The following KHDRBS3 variants were observed in gnomAD, a reference collection of about 807,000 sequenced individuals.
The protein encoded by KHDRBS3 is KH domain-containing, RNA-binding, signal transduction-associated protein 3.
Under a neutral mutation model 45.6 loss-of-function variants are expected in KHDRBS3, and 23 were observed. The observed-to-expected ratio is 0.50, with a 90% CI of 0.36 to 0.72. The LOEUF is 0.72. Among genes scored for constraint, KHDRBS3 ranks in the 30% least tolerant of loss-of-function variants. KHDRBS3 has a pLI of 0.00. For missense variants in KHDRBS3, 352 were observed against 424.8 expected, an observed-to-expected ratio of 0.83 and a Z score of 1.51; for synonymous variants, 162 against 156.5, an observed-to-expected ratio of 1.04 and a Z score of -0.26.
intron 7 of KHDRBS3, among the ~76,000 whole-genome samples, chr8:135,607,654 T>C (rs1465635900): frequency 1.3e-5 from 2 of 152,238 alleles, no homozygotes; most frequent in Non-Finnish European, 2.9e-5. Context: ...GTTGAGAATG[T>C]TTTCCTAAAT....
intron 2 of KHDRBS3, among the ~76,000 whole-genome samples, chr8:135,525,460 G>A (rs1367653172): frequency 2.6e-5 from 4 of 152,228 alleles, no homozygotes; most frequent in Non-Finnish European, 5.9e-5. Context: ...TTCACCCCAG[G>A]GTATTTCCTT....
chr8:135,581,686 C>T (rs1828216287), intron 5 of KHDRBS3, among the ~76,000 whole-genome samples, 192 bp from the exon 6 acceptor site: 1 of 152,222 alleles, frequency 6.6e-6, no homozygotes, highest in African/African-American at 2.4e-5. Flanking sequence ...GCTAGACGAA[C>T]TGCCTAAATG....
intron 1 of KHDRBS3, among the ~76,000 whole-genome samples, chr8:135,508,692 A>G (rs1824128517): frequency 6.6e-6 from 1 of 152,194 alleles, no homozygotes; most frequent in African/African-American, 2.4e-5. Context: ...ACTAACTTGA[A>G]TTAGTCCGGT....
chr8:135,501,592 A>G lies in KHDRBS3; in HGVS notation c.89-19645A>G, dbSNP rs928538055. On this transcript the variant is annotated intron_variant, in intron 1 of 8. Transcript: ENST00000355849. The stretch of plus-strand genomic sequence containing the variant: ...ATTAGAGGAAAAGAAACATAAAGTC[A>G]TACTATATTTTTTACCTATTGTTTA... 7.2e-5 allele frequency among the ~76,000 whole-genome samples: 11 copies of G among 152,212 alleles called. 1 individual carries two copies. Among genetic ancestry groups the G allele is most frequent in the Admixed American group, 7.2e-4 (11 of 15,276 alleles).
At chr8:135,521,207 C>T (rs887196287) in intron 1 of KHDRBS3, 30 bp from the exon 2 acceptor site, 2 of 1,371,190 alleles carry the variant, frequency 1.5e-6, no homozygotes, top group African/African-American at 1.4e-5. Flanking sequence ...CTGAGTCATA[C>T]ACTTCATGGT....
At chr8:135,643,150 C>T (rs1304033574) in intron 7 of KHDRBS3, among the ~76,000 whole-genome samples, 1 of 152,110 alleles carries the variant, frequency 6.6e-6, no homozygotes, top group Non-Finnish European at 1.5e-5. Flanking sequence ...TTGTTGACAC[C>T]TAGATTTTCC....
intron 1 of KHDRBS3, among the ~76,000 whole-genome samples, chr8:135,514,431 G>A (rs1824461616): frequency 6.6e-6 from 1 of 152,164 alleles, no homozygotes; most frequent in Admixed American, 6.5e-5. Context: ...TGAGCCTTGA[G>A]GGCATTATGC....
At chr8:135,625,589 C>G in intron 7 of KHDRBS3, 1 of 954,482 alleles carries the variant, frequency 1.0e-6, no homozygotes, top group Non-Finnish European at 1.7e-6. Context: ...AGTTTCTTGA[C>G]CTTGTCTGGC....
chr8:135,547,482 C>G (rs1041286980), intron 3 of KHDRBS3, among the ~76,000 whole-genome samples: 1 of 152,154 alleles, frequency 6.6e-6, no homozygotes, highest in African/African-American at 2.4e-5. Context: ...TCTGTCTAAA[C>G]TCACATGGCT....
intron 7 of KHDRBS3, among the ~76,000 whole-genome samples, chr8:135,617,936 A>G (rs766997463): frequency 3.3e-5 from 5 of 152,190 alleles, no homozygotes; most frequent in Non-Finnish European, 5.9e-5. Context: ...AGACTTGAGG[A>G]CAGAGCTCTA....
chr8:135,496,337 A>G (rs1299110817), intron 1 of KHDRBS3, among the ~76,000 whole-genome samples: 2 of 151,738 alleles, frequency 1.3e-5, no homozygotes, highest in African/African-American at 4.8e-5. Flanking sequence ...GGTTCAAGCA[A>G]TTCTTCTGCC....
intron 5 of KHDRBS3, among the ~76,000 whole-genome samples, chr8:135,570,758 A>G (rs753520902): frequency 1.3e-5 from 2 of 152,030 alleles, no homozygotes; most frequent in Non-Finnish European, 2.9e-5. Context: ...AGTACCCCAC[A>G]TCTCAGGCAG....
At chr8:135,583,613 C>T (rs1342420532) in intron 6 of KHDRBS3, among the ~76,000 whole-genome samples, 1 of 152,140 alleles carries the variant, frequency 6.6e-6, no homozygotes, top group Non-Finnish European at 1.5e-5. Context: ...GGATCCTATA[C>T]CCCATTTTAC....
chr8:135,504,640 A>G (rs1372278334), intron 1 of KHDRBS3, among the ~76,000 whole-genome samples: 1 of 152,236 alleles, frequency 6.6e-6, no homozygotes, highest in East Asian at 1.9e-4. Context: ...ATGGTTATAT[A>G]TTCATAGAAA....
intron 4 of KHDRBS3, among the ~76,000 whole-genome samples, chr8:135,553,203 G>A (rs1164994900): frequency 6.6e-6 from 1 of 152,088 alleles, no homozygotes; most frequent in African/African-American, 2.4e-5. Context: ...TAGGCAAGCA[G>A]GCCAGACTCT....
chr8:135,590,011 G>C (rs1417350938), intron 6 of KHDRBS3, among the ~76,000 whole-genome samples: 6 of 152,158 alleles, frequency 3.9e-5, no homozygotes, highest in African/African-American at 1.4e-4. Flanking sequence ...ATACAGTCAA[G>C]TATCCCTTAA....
At chr8:135,590,955 G>GGT (rs1828715641) in intron 6 of KHDRBS3, among the ~76,000 whole-genome samples, 1 of 152,142 alleles carries the variant, frequency 6.6e-6, no homozygotes, top group Non-Finnish European at 1.5e-5. Flanking sequence ...AGGTAAGTAT[G>GGT]GTAGGGCATT....
chr8:135,504,243 A>T (rs987004489), intron 1 of KHDRBS3, among the ~76,000 whole-genome samples: 3 of 152,198 alleles, frequency 2.0e-5, no homozygotes, highest in Non-Finnish European at 4.4e-5. Flanking sequence ...AAAAAGCTAG[A>T]CAGTTGTGCT....
intron 3 of KHDRBS3, among the ~76,000 whole-genome samples, chr8:135,546,138 CA>C (rs1352646999): frequency 6.7e-6 from 1 of 148,928 alleles, no homozygotes; most frequent in Non-Finnish European, 1.5e-5. Context: ...CTCTGTCTCC[CA>C]AAAAAATAAA....
Sources: gnomAD v4.1 joint callset for allele counts (sites outside exome capture counted in the v4.1 genomes callset) on GRCh38, gnomAD v4.1.1 for gene constraint, MANE v1.5 for transcripts, NCBI Gene and HGNC (gene_info 2026-07-23, HGNC 2026-07-21) for gene names.